The following EDIL3 variants were observed in gnomAD, a reference collection of about 807,000 sequenced individuals.
EDIL3 encodes the protein EGF like and discoidin domains 3.
A neutral mutation model predicts 67.4 loss-of-function variants in EDIL3; 37 were observed. The ratio of observed to expected loss-of-function variants is 0.55; its 90% confidence interval spans 0.42 to 0.72. EDIL3 has a LOEUF of 0.72. Ranked by LOEUF, EDIL3 falls within the 30% of genes least tolerant of loss-of-function variation. The probability of loss-of-function intolerance (pLI) is 0.00; values close to 1 mark genes in which losing one functional copy is unlikely to be tolerated. For missense variants in EDIL3, 527 were observed against 586.3 expected (o/e 0.90, Z 1.04); for synonymous variants, 195 against 196.3 (o/e 0.99, Z 0.05).
intron 6 of EDIL3, among the ~76,000 whole-genome samples, chr5:84,078,994 A>G (rs1021479430): frequency 3.3e-5 from 5 of 152,150 alleles, no homozygotes; most frequent in African/African-American, 1.2e-4. Flanking sequence ...TCCTCTAGGA[A>G]GAGGAGAGGG....
At chr5:83,949,260 A>G (rs1744365163) in intron 10 of EDIL3, among the ~76,000 whole-genome samples, 1 of 151,752 alleles carries the variant, frequency 6.6e-6, no homozygotes, top group African/African-American at 2.4e-5. Flanking sequence ...CCTGAGTGGA[A>G]CCATTACCCT....
At chr5:83,959,456 A>T (rs1301562558) in intron 10 of EDIL3, among the ~76,000 whole-genome samples, 1 of 150,994 alleles carries the variant, frequency 6.6e-6, no homozygotes, top group African/African-American at 2.4e-5. Flanking sequence ...GCAGTCAATA[A>T]AAACAAACAG....
At chr5:84,342,059 G>T (rs1436291853) in intron 1 of EDIL3, among the ~76,000 whole-genome samples, 1 of 151,876 alleles carries the variant, frequency 6.6e-6, no homozygotes, top group Non-Finnish European at 1.5e-5. Flanking sequence ...ACCTACATTT[G>T]GATGTTTATC....
intron 9 of EDIL3, among the ~76,000 whole-genome samples, chr5:83,978,652 C>A (rs1268201378): frequency 6.6e-6 from 1 of 151,832 alleles, no homozygotes; most frequent in Non-Finnish European, 1.5e-5. Flanking sequence ...TAAGGATAGA[C>A]AAGCAGAAAA....
At chr5:84,049,070 T>C (rs929588279) in intron 9 of EDIL3, among the ~76,000 whole-genome samples, 1 of 152,272 alleles carries the variant, frequency 6.6e-6, no homozygotes, top group South Asian at 2.1e-4. Context: ...ACAGTTTCAG[T>C]AGAGAAGATT....
chr5:84,307,795 G>A (rs1222689211), intron 1 of EDIL3, among the ~76,000 whole-genome samples: 1 of 152,126 alleles, frequency 6.6e-6, no homozygotes, highest in Non-Finnish European at 1.5e-5. Context: ...ATAAAGTACA[G>A]AAGAAAGTCT....
intron 6 of EDIL3, among the ~76,000 whole-genome samples, chr5:84,083,142 T>C (rs1316953114): frequency 2.0e-5 from 3 of 152,168 alleles, no homozygotes; most frequent in Admixed American, 6.5e-5. Flanking sequence ...AAAAATAAAA[T>C]AGGAAAGATA....
rs764175849 is a variant in EDIL3, at chr5:83,963,351, G to A, written c.1147C>T (p.Leu383Phe). The A allele has an allele frequency of 5.6e-6, 9 of 1,598,500 alleles. No individual in the cohort carries two copies. The highest frequency in any genetic ancestry group is 7.7e-6 in the Non-Finnish European group (9 of 1,174,224). Residue 383 changes from leucine (L) to phenylalanine (F), a missense_variant, in exon 10 of 11, where the codon CTT becomes TTT. Physicochemically the swap from Leu to Phe is conservative, Grantham distance 22. Transcript: ENST00000296591. Reference sequence around the variant, plus strand: ...ATGCCAGTCACTTTGGTTGGAACAAGAAGATCCACCTTAAAAAAAAGAAAA... The same window carrying A: ...ATGCCAGTCACTTTGGTTGGAACAAAAAGATCCACCTTAAAAAAAAGAAAA... ...DQSQWLQVDLLVPTKVTGIIT... is the reference protein window; with the variant it reads ...DQSQWLQVDLFVPTKVTGIIT...
chr5:84,056,695 T>A (rs114351390), intron 9 of EDIL3, among the ~76,000 whole-genome samples: 2 of 152,016 alleles, frequency 1.3e-5, no homozygotes, highest in African/African-American at 4.8e-5. Context: ...TAAAAGACAT[T>A]TTTTAAAAAA....
At chr5:84,193,298 G>T (rs1399593655) in intron 3 of EDIL3, among the ~76,000 whole-genome samples, 11 of 151,880 alleles carry the variant, frequency 7.2e-5, no homozygotes, top group Admixed American at 5.9e-4. Flanking sequence ...GGGCTGGTAG[G>T]TATGGATGGA....
intron 6 of EDIL3, among the ~76,000 whole-genome samples, chr5:84,070,603 A>AAC (rs1181067909): frequency 3.3e-5 from 4 of 121,632 alleles, no homozygotes; most frequent in African/African-American, 1.4e-4. Flanking sequence ...TACTATGGTT[A>AAC]AGAGTGTGTG....
chr5:84,088,529 G>T lies in EDIL3; in HGVS notation c.651+18120C>A, dbSNP rs1372037538. ...TATTCACATATACTTCTAAAATTCA[G>T]TACTTCATCTCTTAACAACACTAAT... On this transcript the variant is annotated intron_variant, in intron 6 of 10. Transcript: ENST00000296591. Among the ~76,000 whole-genome samples the T allele has an allele frequency of 2.0e-5, 3 of 152,136 alleles. No individual in the cohort carries two copies. The East Asian group carries it at 5.8e-4, about 29-fold the overall frequency.
intron 1 of EDIL3, among the ~76,000 whole-genome samples, chr5:84,324,309 T>C (rs1273588304): frequency 3.3e-5 from 5 of 151,886 alleles, no homozygotes; most frequent in Non-Finnish European, 4.4e-5. Flanking sequence ...ACAACATACT[T>C]TTAAACAACC....
intron 9 of EDIL3, among the ~76,000 whole-genome samples, chr5:84,004,195 C>G (rs527944894): frequency 6.6e-6 from 1 of 152,064 alleles, no homozygotes; most frequent in South Asian, 2.1e-4. Context: ...TAGAGACTTA[C>G]GAAGAGACTT....
chr5:84,159,431 C>T (rs1748564743), intron 4 of EDIL3, among the ~76,000 whole-genome samples: 2 of 151,844 alleles, frequency 1.3e-5, no homozygotes, highest in Admixed American at 1.3e-4. Context: ...TGTAATAAAA[C>T]TCATTTATTG....
intron 1 of EDIL3, among the ~76,000 whole-genome samples, chr5:84,347,435 A>G (rs1178436892): frequency 6.6e-6 from 1 of 152,188 alleles, no homozygotes; most frequent in African/African-American, 2.4e-5. Flanking sequence ...TTTTATTATA[A>G]TGCTTTGTGC....
In EDIL3 at chr5:84,064,644, A is replaced by T. The variant is rs1746601709; in HGVS notation, c.952+56T>A. On this transcript the variant is annotated intron_variant, in intron 8 of 10. Transcript: ENST00000296591. ...GTAGGTTAGTAACAGGCTACATACA[A>T]ATATGCTTTTTGTTTTCTTTAAATA... 66 of 1,552,108 alleles carry T rather than the reference A, an allele frequency of 4.3e-5. 2 individuals are homozygous for T. The South Asian group carries it at 7.7e-4, about 18-fold the overall frequency.
At chr5:84,041,948 G>C (rs536536704) in intron 9 of EDIL3, among the ~76,000 whole-genome samples, 3 of 152,110 alleles carry the variant, frequency 2.0e-5, no homozygotes, top group African/African-American at 2.4e-5. Flanking sequence ...GGGGTGAAAA[G>C]TGACTCAGAG....
rs1366742714 is a variant in EDIL3 at position 84,157,494 on chromosome 5, T to G, written c.356-20140A>C. Among the ~76,000 whole-genome samples, 3 of 152,052 alleles carry G rather than the reference T, an allele frequency of 2.0e-5. No homozygotes were observed. In the East Asian group the frequency reaches 5.8e-4, roughly 29 times the overall value. On this transcript the variant is annotated intron_variant, in intron 4 of 10. Coordinates refer to ENST00000296591, the MANE Select transcript of EDIL3 (RefSeq NM_005711.5). ...TTTACTTTTTTCAATTAAAAATATG[T>G]ATGTATGTATGTATTTGCCTATGGA...
Sources: allele counts gnomAD v4.1 joint callset (sites outside exome capture counted in the v4.1 genomes callset), GRCh38; gene constraint gnomAD v4.1.1; transcripts MANE v1.5; gene names NCBI Gene and HGNC (gene_info 2026-07-23, HGNC 2026-07-21).